The following CDH10 variants were observed in gnomAD, a reference collection of about 807,000 sequenced individuals.
The protein encoded by CDH10 is cadherin 10, also known as cadherin-10.
A neutral mutation model predicts 73.1 loss-of-function variants in CDH10; 30 were observed. The ratio of observed to expected loss-of-function variants is 0.41; its 90% confidence interval spans 0.31 to 0.56. CDH10 has a LOEUF of 0.56. Among genes scored for constraint, CDH10 ranks in the 20% least tolerant of loss-of-function variants. The probability of loss-of-function intolerance (pLI) is 0.27; values close to 1 mark genes in which losing one functional copy is unlikely to be tolerated. For missense variants in CDH10, 815 were observed against 973.7 expected (o/e 0.84, Z 2.17); for synonymous variants, 345 against 348.2 (o/e 0.99, Z 0.10).
At chr5:24,568,482 C>CA (rs905174178) in intron 2 of CDH10, among the ~76,000 whole-genome samples, 64 of 151,590 alleles carry the variant, frequency 4.2e-4, no homozygotes, top group Admixed American at 7.9e-4. Flanking sequence ...ATTTCAACAA[C>CA]AAAAAACAGA....
chr5:24,517,670 T>G (rs542379446), intron 5 of CDH10, among the ~76,000 whole-genome samples: 2 of 152,122 alleles, frequency 1.3e-5, no homozygotes, highest in African/African-American at 4.8e-5. Flanking sequence ...ATAAAGATAG[T>G]TGAATGAAGG....
intron 2 of CDH10, among the ~76,000 whole-genome samples, chr5:24,558,116 A>G (rs755062293): frequency 9.2e-5 from 14 of 151,812 alleles, no homozygotes; most frequent in Non-Finnish European, 1.9e-4. Flanking sequence ...TAATAAGTAC[A>G]AGGTTAACCA....
chr5:24,537,598 A>G lies in CDH10; in HGVS notation c.308T>C (p.Ile103Thr), dbSNP rs2111896469. The change falls in exon 3 of 12, where the codon ATT (isoleucine) becomes ACT (threonine). Residue 103 changes from isoleucine (I) to threonine (T), a missense_variant. Ile to Thr is a moderately conservative substitution (Grantham distance 89, BLOSUM62 -1). Coordinates refer to ENST00000264463, the MANE Select transcript of CDH10 (RefSeq NM_006727.5). ...AATATCACCTGTTTTTTCATCAATA[A>G]TAAAAAGAGTACCAGCTCCATCTCC... Reference protein sequence around the residue: ...LSGDGAGTLFIIDEKTGDIHA... With the variant: ...LSGDGAGTLFTIDEKTGDIHA... 6 of 1,608,370 alleles carry G rather than the reference A, an allele frequency of 3.7e-6. No individual in the cohort carries two copies. Among genetic ancestry groups the G allele is most frequent in the Non-Finnish European group, 5.1e-6 (6 of 1,175,090 alleles).
chr5:24,589,783 A>G (rs1746139574), intron 2 of CDH10, among the ~76,000 whole-genome samples: 2 of 152,142 alleles, frequency 1.3e-5, no homozygotes, highest in African/African-American at 4.8e-5. Flanking sequence ...GAAACTGATT[A>G]GAAACTACAT....
intron 8 of CDH10, among the ~76,000 whole-genome samples, chr5:24,499,126 T>C (rs1742399624): frequency 6.6e-6 from 1 of 152,214 alleles, no homozygotes; most frequent in Non-Finnish European, 1.5e-5. Context: ...AAAATGTATT[T>C]CAACAACTGC....
At chr5:24,638,446 A>C (rs147844678) in intron 1 of CDH10, among the ~76,000 whole-genome samples, 2 of 151,926 alleles carry the variant, frequency 1.3e-5, no homozygotes, top group East Asian at 3.9e-4. Context: ...AAACAAAAAA[A>C]GGAAAAAGAG....
chr5:24,524,048 C>T (rs2111828474), intron 5 of CDH10, among the ~76,000 whole-genome samples: 1 of 152,016 alleles, frequency 6.6e-6, no homozygotes, highest in African/African-American at 2.4e-5. Context: ...TTATTTTTCC[C>T]TAAAACAAAA....
In CDH10 at chr5:24,487,530, C is replaced by T. The variant is rs1176922752; in HGVS notation, c.*133G>A. ...GGAAAGAATTAATGTAATTAATGAA[C>T]AAATTAAGAAGTAAATGAGAAAAAA... On this transcript the variant is annotated 3_prime_UTR_variant, in exon 12 of 12. Transcript: ENST00000264463. The T allele has an allele frequency of 1.3e-6, 1 of 770,596 alleles. No individual in the cohort carries two copies. The highest frequency in any genetic ancestry group is 2.5e-5 in the East Asian group (1 of 40,424). The allele number at this position is 770,596 out of a possible 1,614,324, so 47.7% of individuals were successfully genotyped here.
intron 5 of CDH10, among the ~76,000 whole-genome samples, chr5:24,519,248 C>T (rs537251423): frequency 6.6e-6 from 1 of 152,038 alleles, no homozygotes; most frequent in African/African-American, 2.4e-5. Context: ...TTTTCACCAG[C>T]AATCCTAAAT....
At chr5:24,623,952 T>C (rs1409307118) in intron 1 of CDH10, among the ~76,000 whole-genome samples, 1 of 152,164 alleles carries the variant, frequency 6.6e-6, no homozygotes, top group African/African-American at 2.4e-5. Context: ...CTCTCTCTTT[T>C]TTCCCTAAGA....
At chr5:24,619,699 G>C (rs934020704) in intron 1 of CDH10, among the ~76,000 whole-genome samples, 1 of 152,108 alleles carries the variant, frequency 6.6e-6, no homozygotes, top group Non-Finnish European at 1.5e-5. Flanking sequence ...TCATATGTTG[G>C]AATCCTAACC....
intron 5 of CDH10, among the ~76,000 whole-genome samples, chr5:24,522,681 C>T (rs890621506): frequency 1.3e-5 from 2 of 152,082 alleles, no homozygotes; most frequent in African/African-American, 2.4e-5. Context: ...CCACACAACA[C>T]ATCAAAAACA....
rs554029078 is a variant in CDH10, at chr5:24,529,853, GT to G, written c.814+5258del. 4.7e-4 allele frequency among the ~76,000 whole-genome samples: 71 copies of G among 151,948 alleles called. 1 individual carries two copies. In the East Asian group the frequency reaches 0.012, roughly 26 times the overall value. ...AAATTGTGTGCAATAATGTCTGTGA[GT>G]CAGTGAGTGTACAGAAGCATGATTC... is the stretch of plus-strand genomic sequence containing the variant. On this transcript the variant is annotated intron_variant, in intron 5 of 11. Coordinates refer to ENST00000264463, the MANE Select transcript of CDH10 (RefSeq NM_006727.5).
chr5:24,598,263 C>T (rs1187040237), intron 1 of CDH10, among the ~76,000 whole-genome samples: 1 of 151,860 alleles, frequency 6.6e-6, no homozygotes, highest in African/African-American at 2.4e-5. Flanking sequence ...TATGCTTGAT[C>T]ATATTATCCA....
intron 2 of CDH10, among the ~76,000 whole-genome samples, chr5:24,565,254 T>C (rs1236328753): frequency 6.6e-6 from 1 of 152,192 alleles, no homozygotes; most frequent in African/African-American, 2.4e-5. Context: ...TACAAAATCC[T>C]AAGAAATCTA....
intron 2 of CDH10, among the ~76,000 whole-genome samples, chr5:24,578,815 C>T (rs1344974065): frequency 6.6e-6 from 1 of 152,118 alleles, no homozygotes; most frequent in Admixed American, 6.6e-5. Context: ...CATGTTGATA[C>T]TGCCTACCTG....
At chr5:24,535,574 T>C in intron 4 of CDH10, 129 bp downstream of exon 4, 1 of 824,300 alleles carries the variant, frequency 1.2e-6, no homozygotes, top group Admixed American at 2.6e-5. Context: ...CTTATATCTT[T>C]AAGTGTTGTG....
intron 1 of CDH10, among the ~76,000 whole-genome samples, chr5:24,634,681 T>A (rs1382509962): frequency 6.6e-6 from 1 of 151,808 alleles, no homozygotes; most frequent in African/African-American, 2.4e-5. Flanking sequence ...CTCACCAAAG[T>A]ATAACTTTCA....
At chr5:24,631,229 T>C (rs1747694796) in intron 1 of CDH10, among the ~76,000 whole-genome samples, 1 of 152,128 alleles carries the variant, frequency 6.6e-6, no homozygotes, top group Admixed American at 6.6e-5. Flanking sequence ...ACTTTAGTTC[T>C]TATAATATCC....
Sources: gnomAD v4.1 joint callset for allele counts (sites outside exome capture counted in the v4.1 genomes callset) on GRCh38, gnomAD v4.1.1 for gene constraint, MANE v1.5 for transcripts, NCBI Gene and HGNC (gene_info 2026-07-23, HGNC 2026-07-21) for gene names.